ADGRD2: variants seen among roughly 807,000 people sequenced by gnomAD.
The protein encoded by ADGRD2 is G protein-coupled receptor PGR24.
ADGRD2 carries 71 observed loss-of-function variants against 44.4 expected under a neutral mutation model. The ratio of observed to expected loss-of-function variants is 1.60; its 90% CI spans 1.32 to 1.95. The LOEUF (loss-of-function observed/expected upper bound fraction) is 1.95, where lower values mean the gene tolerates loss of function less well. Ranked by LOEUF, ADGRD2 falls within the 30% of genes most tolerant of loss-of-function variation. ADGRD2 has a pLI of 0.00. For synonymous variants in ADGRD2, 481 were observed against 224.8 expected (o/e 2.14, Z -10.19); for missense variants, 1,039 against 512.4 (o/e 2.03, Z -9.92).
intron 2 of ADGRD2, 29 bp downstream of exon 5, chr9:124,452,751 C>A (rs1156615530): frequency 1.4e-6 from 1 of 700,010 alleles, no homozygotes; most frequent in Non-Finnish European, 2.6e-6. Context: ...GAAATGGGAG[C>A]AAGGGGCAGA....
At chr9:124,476,956 G>A (rs1439117072) in intron 21 of ADGRD2, 3 of 696,934 alleles carry the variant, frequency 4.3e-6, no homozygotes, top group Non-Finnish European at 8.0e-6. Flanking sequence ...GCGCTGCCAA[G>A]AGCACAACCT....
chr9:124,476,612 G>T, intron 20 of ADGRD2, 67 bp from the exon 24 acceptor site: 1 of 664,540 alleles, frequency 1.5e-6, no homozygotes, highest in Non-Finnish European at 2.7e-6. Context: ...CTATAGCCAA[G>T]GGTCCCCAGG....
exon 8 of ADGRD2, chr9:124,457,581 T>G: frequency 1.5e-6 from 1 of 668,104 alleles, no homozygotes; most frequent in Non-Finnish European, 2.7e-6. Context: ...TTCCTGCGAG[T>G]GAAGTGAGGC....
chr9:124,456,529 C>T (rs1421502008), intron 6 of ADGRD2, 93 bp from the exon 10 acceptor site: 1 of 689,640 alleles, frequency 1.5e-6, no homozygotes, highest in South Asian at 1.6e-5. Context: ...GCAGGACCAC[C>T]TCCCAGATCA....
chr9:124,461,810 C>T lies in ADGRD2; in HGVS notation c.1870+3089C>T, dbSNP rs116936951. Among the ~76,000 whole-genome samples the T allele has an allele frequency of 6.6e-3, 1,007 of 151,696 alleles. 39 individuals are homozygous for T. The East Asian group carries it at 0.093, about 14-fold the overall frequency. On this transcript the variant is annotated intron_variant, in intron 10 of 21. Transcript: ENST00000334810. The stretch of plus-strand genomic sequence containing the variant: ...TCACCCAGGCTAGAGTACAGTGGTA[C>T]GATCTCGGCTCACTGCAACTTCCAC...
intron 11 of ADGRD2, chr9:124,467,176 T>C (rs1471436494): frequency 1.3e-5 from 2 of 153,300 alleles, no homozygotes; most frequent in Non-Finnish European, 2.9e-5. Context: ...CTACTAAAAA[T>C]ACAAACATTA....
intron 10 of ADGRD2, among the ~76,000 whole-genome samples, chr9:124,461,758 G>GT (rs1831726006): frequency 1.3e-5 from 2 of 148,606 alleles, no homozygotes; most frequent in South Asian, 4.3e-4. Context: ...TTTGTTTTTT[G>GT]TTTTTTTGAG....
At chr9:124,472,362 C>T (rs999450710) in intron 17 of ADGRD2, among the ~76,000 whole-genome samples, 3 of 152,184 alleles carry the variant, frequency 2.0e-5, no homozygotes, top group Non-Finnish European at 4.4e-5. Flanking sequence ...GGCACTGACC[C>T]CACCTGGCTC....
chr9:124,456,013 T>G (rs762188331), intron 6 of ADGRD2, among the ~76,000 whole-genome samples: 4 of 152,202 alleles, frequency 2.6e-5, no homozygotes, highest in African/African-American at 7.2e-5. Context: ...TATGGAATGA[T>G]TCACCATGGG....
At position 124,453,306 on chromosome 9, in the gene ADGRD2, C is replaced by A. The variant is rs567913703; in HGVS notation, c.555C>A (p.Arg185=). ...ACGCGCCCTTCCTCGCAGCCTTCCG[C>A]GCCGACGGCCGCTGGCACCATGTGT... The change falls in exon 3 of 22, where the codon CGC becomes CGA. Residue 185 remains arginine (R), a synonymous_variant. Coordinates refer to ENST00000334810, the Ensembl canonical transcript of ADGRD2. 1.7e-5 allele frequency: 8 copies of A among 484,010 alleles called. No homozygotes were observed. In the South Asian group the frequency reaches 2.7e-4, roughly 17 times the overall value. The allele number at this position is 484,010 out of a possible 1,614,324, so 30.0% of individuals were successfully genotyped here.
At chr9:124,475,538 G>A (rs1232916378) in intron 18 of ADGRD2, 33 bp from the exon 22 acceptor site, 2 of 715,776 alleles carry the variant, frequency 2.8e-6, no homozygotes, top group Admixed American at 2.0e-5. Context: ...GGGTAGGGAG[G>A]GTCCCCAGCC....
chr9:124,467,575 T>C (rs1197655977), intron 11 of ADGRD2, 146 bp from the exon 15 acceptor site: 6 of 618,752 alleles, frequency 9.7e-6, no homozygotes, highest in South Asian at 9.4e-5. Flanking sequence ...AAATGCCTAC[T>C]GTGTGCAGGC....
intron 12 of ADGRD2, 54 bp from the exon 16 acceptor site, chr9:124,468,034 G>A (rs1039600067): frequency 2.4e-5 from 17 of 717,986 alleles, no homozygotes; most frequent in Non-Finnish European, 3.6e-5. Flanking sequence ...GGCCCTACGG[G>A]GTGTGGGGAC....
Position 124,475,625 on chromosome 9 carries a change from G to T in ADGRD2, c.2845+10G>T, listed in dbSNP as rs1442797548. The T allele has an allele frequency of 3.1e-6, 2 of 655,010 alleles. No homozygotes were observed. The highest frequency in any genetic ancestry group is 5.6e-6 in the Non-Finnish European group (2 of 354,848). 40.6% of individuals were successfully genotyped at this position (655,010 alleles called of 1,614,324 possible). ...GAAGAAGGTGGCCGAGGTGCTCAGG[G>T]CACTGGGGGTGTGGGTGGGGGCGGG... On this transcript the variant is annotated intron_variant, in intron 19 of 21. Transcript: ENST00000334810.
At chr9:124,476,452 C>T (rs1417042029) in intron 20 of ADGRD2, 37 bp downstream of exon 23, 2 of 691,018 alleles carry the variant, frequency 2.9e-6, no homozygotes, top group Admixed American at 2.1e-5. Flanking sequence ...CAGGGCTCTG[C>T]CAGGGGGCTG....
At chr9:124,468,332 GC>G in intron 13 of ADGRD2, 142 bp downstream of exon 16, 1 of 675,880 alleles carries the variant, frequency 1.5e-6, no homozygotes. Flanking sequence ...GAGGAGCAGG[GC>G]CCCGGGAGGA....
intron 20 of ADGRD2, 89 bp from the exon 24 acceptor site, chr9:124,476,590 T>G (rs1588611248): frequency 3.1e-6 from 2 of 643,276 alleles, no homozygotes; most frequent in African/African-American, 1.8e-5. Flanking sequence ...GGCGGCAAGC[T>G]GGCAGAGGCC....
At chr9:124,472,910 C>T (rs543091765) in intron 17 of ADGRD2, among the ~76,000 whole-genome samples, 3 of 152,350 alleles carry the variant, frequency 2.0e-5, no homozygotes, top group East Asian at 1.9e-4. Flanking sequence ...GACGGTCACC[C>T]GGTGAAGGCA....
exon 6 of ADGRD2, chr9:124,455,061 C>T (rs926840986): frequency 8.4e-6 from 6 of 717,522 alleles, no homozygotes; most frequent in Middle Eastern, 4.6e-4. Context: ...TGAGCCAAGG[C>T]GTTGTATCTG....
Sources: gnomAD v4.1 joint callset for allele counts (sites outside exome capture counted in the v4.1 genomes callset) on GRCh38, gnomAD v4.1.1 for gene constraint, MANE v1.5 for transcripts, NCBI Gene and HGNC (gene_info 2026-07-23, HGNC 2026-07-21) for gene names.